CLCN5: variants seen among roughly 807,000 people sequenced by gnomAD.
The protein encoded by CLCN5 is Cl-/H+ antiporter 5.
CLCN5 carries 17 observed loss-of-function variants against 54.0 expected under a neutral mutation model. That is an observed-to-expected ratio of 0.31 (90% CI 0.22 to 0.47). The LOEUF is 0.47. CLCN5 is among the 20% of genes least tolerant of loss of function. CLCN5 has a pLI of 1.00. For synonymous variants in CLCN5, 222 were observed against 233.0 expected (o/e 0.95, Z 0.43); for missense variants, 448 against 646.7 (o/e 0.69, Z 3.33).
At chrX:50,016,565 A>C (rs782289179) in intron 3 of CLCN5, among the ~76,000 whole-genome samples, 17 of 109,524 alleles carry the variant, frequency 1.6e-4, no homozygotes, top group African/African-American at 5.3e-4. Context: ...ATTATTAAAT[A>C]ATAGTTTAAA....
chrX:50,078,016 A>G (rs2147567453), intron 7 of CLCN5, among the ~76,000 whole-genome samples: 1 of 99,675 alleles, frequency 1.0e-5, no homozygotes, highest in Admixed American at 1.1e-4. Flanking sequence ...CGACAGAGCA[A>G]GACTCTATCT....
chrX:49,964,521 G>A (rs930102585), intron 3 of CLCN5, among the ~76,000 whole-genome samples: 1 of 111,007 alleles, frequency 9.0e-6, no homozygotes, highest in Non-Finnish European at 1.9e-5. Context: ...AAGTTGTGAT[G>A]TTAGGATTTG....
At chrX:49,971,302 T>TAA (rs1167326977) in intron 3 of CLCN5, among the ~76,000 whole-genome samples, 3 of 104,379 alleles carry the variant, frequency 2.9e-5, no homozygotes, top group African/African-American at 1.0e-4. Flanking sequence ...TATATATATA[T>TAA]AATCATGTTA....
intron 3 of CLCN5, among the ~76,000 whole-genome samples, chrX:49,934,937 A>T (rs1557169403): frequency 9.0e-6 from 1 of 111,729 alleles, no homozygotes; most frequent in African/African-American, 3.3e-5. Flanking sequence ...ACCTGTGGCC[A>T]CCTGTGACTC....
At chrX:49,961,193 C>T (rs1233020850) in intron 3 of CLCN5, among the ~76,000 whole-genome samples, 1 of 112,305 alleles carries the variant, frequency 8.9e-6, no homozygotes, top group East Asian at 2.8e-4. Context: ...TCCAGTAACA[C>T]ATTACTTCTT....
At chrX:50,065,664 A>T (rs1932982705) in intron 4 of CLCN5, among the ~76,000 whole-genome samples, 1 of 97,744 alleles carries the variant, frequency 1.0e-5, no homozygotes, top group Non-Finnish European at 2.0e-5. Context: ...ATTACTGGGT[A>T]TATACCCAAA....
In CLCN5 at chrX:50,049,027, T is replaced by C. The variant is rs565084198; in HGVS notation, c.163+6565T>C. Among the ~76,000 whole-genome samples, 4 of 111,267 alleles carry C rather than the reference T, an allele frequency of 3.6e-5. No homozygotes were observed. The Admixed American group carries it at 3.8e-4, about 11-fold the overall frequency. On this transcript the variant is annotated intron_variant, in intron 4 of 14. Coordinates refer to ENST00000376091, the MANE Select transcript of CLCN5 (RefSeq NM_001127898.4). ...TAATCTATTACCACATGGATCACTC[T>C]AGCCTCCTCCCTTTGCTTGTCTATA...
chrX:50,045,223 A>G (rs1325708857), intron 4 of CLCN5, among the ~76,000 whole-genome samples: 1 of 111,709 alleles, frequency 9.0e-6, no homozygotes, highest in Non-Finnish European at 1.9e-5. Context: ...GGAAAGGGAC[A>G]GTAGGAGAGG....
chrX:50,025,344 C>A (rs1013225521), intron 3 of CLCN5, among the ~76,000 whole-genome samples: 7 of 81,502 alleles, frequency 8.6e-5, no homozygotes, highest in Non-Finnish European at 1.2e-4. Flanking sequence ...GGCTCGCGCA[C>A]GGTGCGCGCA....
intron 3 of CLCN5, among the ~76,000 whole-genome samples, chrX:49,970,885 G>A (rs1458162048): frequency 6.3e-5 from 7 of 111,324 alleles, no homozygotes; most frequent in East Asian, 2.8e-4. Context: ...CCAGCAATGC[G>A]TGAAGGTTCC....
chrX:50,038,613 G>A (rs1016912057), intron 3 of CLCN5, among the ~76,000 whole-genome samples: 9 of 111,731 alleles, frequency 8.1e-5, no homozygotes, highest in Non-Finnish European at 1.1e-4. Context: ...TCATAATCCC[G>A]GAACAGGATC....
At chrX:49,938,188 A>G (rs1926105308) in intron 3 of CLCN5, among the ~76,000 whole-genome samples, 1 of 111,616 alleles carries the variant, frequency 9.0e-6, no homozygotes, top group African/African-American at 3.3e-5. Flanking sequence ...TAAGATATTG[A>G]TTATTGTGAA....
intron 4 of CLCN5, among the ~76,000 whole-genome samples, chrX:50,052,273 TG>T (rs1266289351): frequency 8.9e-6 from 1 of 112,062 alleles, no homozygotes; most frequent in African/African-American, 3.2e-5. Flanking sequence ...AATGCTTTTT[TG>T]TTGTCAATGG....
chrX:49,987,078 A>G (rs1324652895), intron 3 of CLCN5, among the ~76,000 whole-genome samples: 1 of 112,668 alleles, frequency 8.9e-6, no homozygotes, highest in Non-Finnish European at 1.9e-5. Flanking sequence ...GAATAAGCCA[A>G]AAGCCCAAAG....
chrX:50,011,760 CTA>C lies in CLCN5; in HGVS notation c.17-30552_17-30551del, dbSNP rs1291464873. On this transcript the variant is annotated intron_variant, in intron 3 of 14. Coordinates refer to ENST00000376091, the MANE Select transcript of CLCN5 (RefSeq NM_001127898.4). ...TTCTGTACAGTCACAGATGAACACA[CTA>C]TATGCGGTGAGCCTTCCCTGTAAAC... is the stretch of plus-strand genomic sequence containing the variant. Among the ~76,000 whole-genome samples, 7 of 112,292 alleles carry C rather than the reference CTA, an allele frequency of 6.2e-5. No individual in the cohort carries two copies. In the Admixed American group the frequency reaches 6.6e-4, roughly 11 times the overall value.
chrX:50,086,474 T>A lies in CLCN5; in HGVS notation c.1161T>A (p.Phe387Leu). Residue 387 changes from phenylalanine (F) to leucine (L), a missense_variant, in exon 11 of 15, where the codon TTT (phenylalanine) becomes TTA (leucine). By Grantham distance (22) the Phe-to-Leu change is conservative. Transcript: ENST00000376091. ...YVEFHTPWHLFELVPFILLGI... is the reference protein window; with the variant it reads ...YVEFHTPWHLLELVPFILLGI... Reference sequence around the variant, plus strand: ...AGTTTCACACCCCATGGCATCTCTTTGAGCTCGTGCCATTCATTCTGCTGG... The same window carrying A: ...AGTTTCACACCCCATGGCATCTCTTAGAGCTCGTGCCATTCATTCTGCTGG... 1 of 1,211,257 alleles carries A rather than the reference T, an allele frequency of 8.3e-7. No individual in the cohort carries two copies. The highest frequency in any genetic ancestry group is 1.7e-5 in the African/African-American group (1 of 57,642).
chrX:50,006,740 T>G (rs1356982972), intron 3 of CLCN5, among the ~76,000 whole-genome samples: 1 of 111,554 alleles, frequency 9.0e-6, no homozygotes, highest in South Asian at 3.8e-4. Flanking sequence ...GGGGTGAGCC[T>G]TAGCTGCAGA....
chrX:50,043,018 C>T (rs1557187403), intron 4 of CLCN5, among the ~76,000 whole-genome samples: 1 of 111,680 alleles, frequency 9.0e-6, no homozygotes, highest in African/African-American at 3.2e-5. Context: ...TAGTATAATA[C>T]GTATGTAGTG....
chrX:50,079,347 G>T, intron 7 of CLCN5, among the ~76,000 whole-genome samples: 1 of 112,249 alleles, frequency 8.9e-6, no homozygotes. Flanking sequence ...AGGTCAGTGA[G>T]TTACTTTAAT....
Sources: allele counts gnomAD v4.1 joint callset (sites outside exome capture counted in the v4.1 genomes callset), GRCh38; gene constraint gnomAD v4.1.1; transcripts MANE v1.5; gene names NCBI Gene and HGNC (gene_info 2026-07-23, HGNC 2026-07-21).